CDKAL1: variants seen among roughly 807,000 people sequenced by gnomAD.
CDKAL1 encodes CDKAL1 threonylcarbamoyladenosine tRNA methylthiotransferase, also known as threonylcarbamoyladenosine tRNA methylthiotransferase.
Under a neutral mutation model 68.2 loss-of-function variants are expected in CDKAL1, and 32 were observed. That is an observed-to-expected ratio of 0.47 (90% CI 0.35 to 0.63). CDKAL1 has a LOEUF of 0.63. CDKAL1 is among the 30% of genes least tolerant of loss of function. The pLI is 0.00. For synonymous variants in CDKAL1, 234 were observed against 244.3 expected (o/e 0.96, Z 0.39); for missense variants, 606 against 696.7 (o/e 0.87, Z 1.47).
intron 15 of CDKAL1, among the ~76,000 whole-genome samples, chr6:21,212,282 G>A (rs1253094575): frequency 6.6e-6 from 1 of 152,150 alleles, no homozygotes; most frequent in Non-Finnish European, 1.5e-5. Context: ...ATGATAGGTT[G>A]AAATCCTCTG....
At chr6:20,644,321 A>C (rs1768332266) in intron 4 of CDKAL1, among the ~76,000 whole-genome samples, 1 of 152,068 alleles carries the variant, frequency 6.6e-6, no homozygotes, top group South Asian at 2.1e-4. Context: ...TCTAAGAGGA[A>C]CTATCTTTTG....
intron 2 of CDKAL1, among the ~76,000 whole-genome samples, chr6:20,540,984 A>G (rs373418082): frequency 1.6e-3 from 242 of 152,260 alleles, no homozygotes; most frequent in South Asian, 3.5e-3. Context: ...TAATGGTGAG[A>G]AGTTGGAGAG....
At chr6:20,697,495 GA>G (rs1027959717) in intron 5 of CDKAL1, among the ~76,000 whole-genome samples, 9 of 152,028 alleles carry the variant, frequency 5.9e-5, no homozygotes, top group African/African-American at 1.9e-4. Flanking sequence ...ACTTAATTAA[GA>G]AAAAAATCAT....
chr6:21,015,668 T>C lies in CDKAL1; in HGVS notation c.1055+15296T>C, dbSNP rs565036861. On this transcript the variant is annotated intron_variant, in intron 11 of 15. Transcript: ENST00000274695. ...ATAGCCGGGTGCGGTGGCTCACACCTGTAATCCCAGCACTTTGGGATGCTG... is the reference window on the plus strand; with the variant it reads ...ATAGCCGGGTGCGGTGGCTCACACCCGTAATCCCAGCACTTTGGGATGCTG... Among the ~76,000 whole-genome samples the C allele has an allele frequency of 5.3e-5, 8 of 152,306 alleles. No homozygotes were observed. In the South Asian group the frequency reaches 1.2e-3, roughly 24 times the overall value.
At chr6:20,814,862 AT>A (rs1206548933) in intron 8 of CDKAL1, among the ~76,000 whole-genome samples, 1 of 151,976 alleles carries the variant, frequency 6.6e-6, no homozygotes, top group East Asian at 1.9e-4. Flanking sequence ...TGCCCTACAA[AT>A]TTTCACTGAC....
At chr6:21,058,545 T>A (rs973850566) in intron 11 of CDKAL1, among the ~76,000 whole-genome samples, 13 of 152,244 alleles carry the variant, frequency 8.5e-5, no homozygotes, top group Admixed American at 2.0e-4. Context: ...TTGAATCTGA[T>A]CCTGTCATCA....
chr6:20,802,309 C>CAATAATAATAAT (rs202052759), intron 8 of CDKAL1, among the ~76,000 whole-genome samples: 7,423 of 142,074 alleles, frequency 0.052, 210 homozygotes, highest in Non-Finnish European at 0.06. Flanking sequence ...AAAACAACAA[C>CAATAATAATAAT]AACAACAATA....
chr6:21,035,087 A>T (rs1284110684), intron 11 of CDKAL1, among the ~76,000 whole-genome samples: 2 of 152,140 alleles, frequency 1.3e-5, no homozygotes, highest in East Asian at 3.8e-4. Flanking sequence ...TGCTATGGAA[A>T]TATTTATTAA....
chr6:20,824,893 A>G (rs1000605180), intron 8 of CDKAL1, among the ~76,000 whole-genome samples: 2 of 152,168 alleles, frequency 1.3e-5, no homozygotes, highest in Admixed American at 6.6e-5. Context: ...TTGTATTTTA[A>G]AAATTCTTGA....
At position 20,613,249 on chromosome 6, in the gene CDKAL1, C is replaced by CTTTTTTTTT. The variant is rs71559677; in HGVS notation, c.287-36009_287-36001dup. On this transcript the variant is annotated intron_variant, in intron 4 of 15. Coordinates refer to ENST00000274695, the MANE Select transcript of CDKAL1 (RefSeq NM_017774.3). ...TATCAGTTCATCACAAAATTTCTTT[C>CTTTTTTTTT]TTTTTTTTTTTTTTTTTTTTTTTTT... Among the ~76,000 whole-genome samples the CTTTTTTTTT allele has an allele frequency of 9.0e-4, 70 of 77,852 alleles. 10 individuals are homozygous for CTTTTTTTTT. Among genetic ancestry groups the CTTTTTTTTT allele is most frequent in the Non-Finnish European group, 1.3e-3 (54 of 40,818 alleles). The allele number at this position is 77,852 out of a possible 152,430, so 51.1% of individuals were successfully genotyped here. A position where few individuals can be genotyped will look rare whatever the true frequency, so the allele number is the denominator to read the frequency against.
intron 11 of CDKAL1, among the ~76,000 whole-genome samples, chr6:21,047,490 G>A (rs1017427153): frequency 2.0e-5 from 3 of 152,148 alleles, no homozygotes; most frequent in Non-Finnish European, 2.9e-5. Context: ...GGTGAATAAA[G>A]CCTATTGCTT....
intron 4 of CDKAL1, among the ~76,000 whole-genome samples, chr6:20,623,302 T>C (rs1443208454): frequency 6.6e-6 from 1 of 152,080 alleles, no homozygotes; most frequent in Non-Finnish European, 1.5e-5. Context: ...ATAATCAGTA[T>C]AAAAGCCAAC....
intron 5 of CDKAL1, among the ~76,000 whole-genome samples, chr6:20,663,080 T>C (rs1769362625): frequency 6.6e-6 from 1 of 152,118 alleles, no homozygotes; most frequent in Non-Finnish European, 1.5e-5. Flanking sequence ...ACAAAAAAGA[T>C]GGAAGTACCA....
At chr6:21,201,355 G>GTT (rs1248519125) in intron 15 of CDKAL1, 81 bp downstream of exon 15, 2 of 1,266,680 alleles carry the variant, frequency 1.6e-6, no homozygotes, top group Non-Finnish European at 1.1e-6. Flanking sequence ...CCATGTTTCT[G>GTT]TTATCATTTA....
intron 9 of CDKAL1, among the ~76,000 whole-genome samples, chr6:20,901,570 A>G (rs372952722): frequency 5.6e-4 from 83 of 149,078 alleles, no homozygotes; most frequent in African/African-American, 1.9e-3. Context: ...AGTCCCAGCT[A>G]CTCGGGAGAC....
intron 9 of CDKAL1, among the ~76,000 whole-genome samples, chr6:20,881,775 C>G (rs770266618): frequency 2.0e-4 from 31 of 152,052 alleles, no homozygotes; most frequent in Non-Finnish European, 3.1e-4. Context: ...TGTTTTTATG[C>G]AGTCTCAAAT....
chr6:20,704,534 G>A (rs898158403), intron 5 of CDKAL1, among the ~76,000 whole-genome samples: 2 of 152,168 alleles, frequency 1.3e-5, no homozygotes, highest in African/African-American at 4.8e-5. Flanking sequence ...GGCAAGTGTG[G>A]CTGGAATAGA....
intron 10 of CDKAL1, among the ~76,000 whole-genome samples, chr6:20,986,938 C>T (rs573933670): frequency 2.6e-5 from 4 of 152,200 alleles, no homozygotes; most frequent in South Asian, 2.1e-4. Flanking sequence ...AAAAATGGCA[C>T]GAAGTCTCAA....
chr6:20,656,574 A>G lies in CDKAL1; in HGVS notation c.371+7197A>G, dbSNP rs143488173. ...CAAGATACAAAGATACTTTACTGCT[A>G]CTGATACCCCCTATGTACTGAACCT... On this transcript the variant is annotated intron_variant, in intron 5 of 15. Transcript: ENST00000274695. Among the ~76,000 whole-genome samples the G allele has an allele frequency of 4.0e-3, 605 of 152,238 alleles. 1 individual carries two copies. Among genetic ancestry groups the G allele is most frequent in the African/African-American group, 0.014 (579 of 41,528 alleles).
Sources: gnomAD v4.1 joint callset for allele counts (sites outside exome capture counted in the v4.1 genomes callset) on GRCh38, gnomAD v4.1.1 for gene constraint, MANE v1.5 for transcripts, NCBI Gene and HGNC (gene_info 2026-07-23, HGNC 2026-07-21) for gene names.